The following SLC2A9 variants were observed in gnomAD, a reference collection of about 807,000 sequenced individuals.
SLC2A9 encodes the protein solute carrier family 2 member 9.
A neutral mutation model predicts 50.6 loss-of-function variants in SLC2A9; 39 were observed. The ratio of observed to expected loss-of-function variants is 0.77; its 90% CI spans 0.60 to 1.01. The LOEUF is 1.01. SLC2A9 is among the 50% of genes least tolerant of loss of function. SLC2A9 has a pLI of 0.00. For missense variants in SLC2A9, 686 were observed against 677.6 expected, an observed-to-expected ratio of 1.01 and a Z score of -0.14; for synonymous variants, 324 against 276.9, an observed-to-expected ratio of 1.17 and a Z score of -1.69.
intron 5 of SLC2A9, among the ~76,000 whole-genome samples, chr4:9,943,589 C>T (rs1748577892): frequency 6.6e-6 from 1 of 152,096 alleles, no homozygotes; most frequent in Non-Finnish European, 1.5e-5. Flanking sequence ...CCGATGGTGG[C>T]CCGACTCCGT....
At chr4:9,996,680 C>A in intron 3 of SLC2A9, 101 bp downstream of exon 3, 2 of 1,410,260 alleles carry the variant, frequency 1.4e-6, no homozygotes, top group Non-Finnish European at 2.0e-6. Flanking sequence ...TCCAGTTGAA[C>A]TGCCTGAGTG....
At position 9,940,246 on chromosome 4, in the gene SLC2A9, T is replaced by C. The variant is rs1747876884; in HGVS notation, c.814+1667A>G. 2.0e-5 allele frequency among the ~76,000 whole-genome samples: 3 copies of C among 152,208 alleles called. No individual in the cohort carries two copies. In the South Asian group the frequency reaches 6.2e-4, roughly 31 times the overall value. On this transcript the variant is annotated intron_variant, in intron 6 of 11. Coordinates refer to ENST00000264784, the MANE Select transcript of SLC2A9 (RefSeq NM_020041.3). ...TCTCTCTTAGTCACCTTCTTTTTAC[T>C]CCAGAGACTCTGCCATCTGACAACC...
At chr4:9,988,939 T>C (rs1460760541) in intron 3 of SLC2A9, among the ~76,000 whole-genome samples, 6 of 152,228 alleles carry the variant, frequency 3.9e-5, no homozygotes, top group East Asian at 1.9e-4. Context: ...GGGGAAGACA[T>C]AGGGAATTCT....
chr4:9,878,007 T>C (rs77172130), intron 10 of SLC2A9, among the ~76,000 whole-genome samples: 1 of 152,188 alleles, frequency 6.6e-6, no homozygotes, highest in African/African-American at 2.4e-5. Flanking sequence ...CTTCCTCCTA[T>C]AGAATGTCTA....
intron 10 of SLC2A9, among the ~76,000 whole-genome samples, chr4:9,885,166 C>T (rs1004723873): frequency 2.0e-5 from 3 of 152,038 alleles, no homozygotes; most frequent in Non-Finnish European, 2.9e-5. Flanking sequence ...ACATGTATCC[C>T]GGAACTTAAA....
intron 1 of SLC2A9, among the ~76,000 whole-genome samples, chr4:10,038,061 G>A (rs1289507947): frequency 6.6e-6 from 1 of 152,278 alleles, no homozygotes; most frequent in East Asian, 1.9e-4. Context: ...CTTGAGACAA[G>A]GTGTCCCCAT....
At chr4:9,916,019 A>G (rs1439765753) in intron 7 of SLC2A9, among the ~76,000 whole-genome samples, 1 of 152,196 alleles carries the variant, frequency 6.6e-6, no homozygotes, top group Non-Finnish European at 1.5e-5. Context: ...AGTTTTCTGT[A>G]AACACATCTA....
chr4:9,909,058 T>C (rs1741223367), intron 7 of SLC2A9, among the ~76,000 whole-genome samples: 1 of 152,200 alleles, frequency 6.6e-6, no homozygotes, highest in African/African-American at 2.4e-5. Flanking sequence ...CAAAACGCTT[T>C]ACTGTCATCC....
At chr4:9,880,623 A>T (rs542906480) in intron 10 of SLC2A9, 1 of 955,764 alleles carries the variant, frequency 1.0e-6, no homozygotes, top group African/African-American at 1.8e-5. Context: ...GATGAGTCCA[A>T]TCTGGCTTGT....
At chr4:9,819,128 A>C (rs1724048933) in intron 3 of SLC2A9, among the ~76,000 whole-genome samples, 1 of 151,706 alleles carries the variant, frequency 6.6e-6, no homozygotes, top group African/African-American at 2.4e-5. Context: ...AAAAAAAAAA[A>C]AAAAAAAAAA....
At chr4:9,791,349 A>T (rs1325931359) in intron 3 of SLC2A9, among the ~76,000 whole-genome samples, 1 of 152,242 alleles carries the variant, frequency 6.6e-6, no homozygotes, top group Non-Finnish European at 1.5e-5. Flanking sequence ...TGCTAGGTGT[A>T]TGGAAGCAGA....
chr4:9,911,673 C>T (rs905509688), intron 7 of SLC2A9, among the ~76,000 whole-genome samples: 3 of 152,124 alleles, frequency 2.0e-5, no homozygotes, highest in Admixed American at 6.5e-5. Flanking sequence ...CGCAGGCAAG[C>T]GATTTTGCAT....
chr4:9,939,800 A>G (rs1261230168), intron 6 of SLC2A9, among the ~76,000 whole-genome samples: 1 of 152,030 alleles, frequency 6.6e-6, no homozygotes, highest in African/African-American at 2.4e-5. Context: ...GTCATCTCAT[A>G]CCACTGTCTC....
chr4:9,999,699 TTC>T (rs1244543936), intron 2 of SLC2A9, among the ~76,000 whole-genome samples: 2 of 152,124 alleles, frequency 1.3e-5, no homozygotes, highest in African/African-American at 4.8e-5. Flanking sequence ...TTTACTTGGA[TTC>T]TACTCTAGAT....
At chr4:9,810,629 GT>G (rs1404106512) in intron 3 of SLC2A9, among the ~76,000 whole-genome samples, 1 of 152,226 alleles carries the variant, frequency 6.6e-6, no homozygotes, top group African/African-American at 2.4e-5. Flanking sequence ...AAAAGTCAGT[GT>G]TCAAATTGGC....
intron 6 of SLC2A9, among the ~76,000 whole-genome samples, chr4:9,924,701 T>G (rs1194211617): frequency 1.3e-5 from 2 of 152,146 alleles, no homozygotes; most frequent in Non-Finnish European, 2.9e-5. Flanking sequence ...GAGTCACCTC[T>G]CAAATAAACT....
intron 1 of SLC2A9, among the ~76,000 whole-genome samples, chr4:10,027,080 G>C (rs1283322253): frequency 6.6e-6 from 1 of 152,010 alleles, no homozygotes; most frequent in African/African-American, 2.4e-5. Flanking sequence ...GACACAAAAA[G>C]CGACATCTTT....
At chr4:9,797,668 G>A (rs142602693), downstream of SLC2A9, among the ~76,000 whole-genome samples, 1,027 of 152,274 alleles carry the variant, frequency 6.7e-3, 15 homozygotes, top group African/African-American at 0.023. Context: ...GCCCTGTGAT[G>A]CTCAGTCCAA....
upstream of SLC2A9, among the ~76,000 whole-genome samples, chr4:10,026,458 C>T (rs1421952933): frequency 6.6e-6 from 1 of 152,126 alleles, no homozygotes; most frequent in Admixed American, 6.5e-5. Context: ...AAAAAGTTTG[C>T]TTGTTTCTCT....
Sources: allele counts gnomAD v4.1 joint callset (sites outside exome capture counted in the v4.1 genomes callset), GRCh38; gene constraint gnomAD v4.1.1; transcripts MANE v1.5; gene names NCBI Gene and HGNC (gene_info 2026-07-23, HGNC 2026-07-21).